The following PTPRD variants were observed in gnomAD, a reference collection of about 807,000 sequenced individuals.
The protein encoded by PTPRD is receptor-type tyrosine-protein phosphatase delta.
In PTPRD, 34 loss-of-function variants were observed where a neutral mutation model predicts 214.5. That is an observed-to-expected ratio of 0.16 (90% CI 0.12 to 0.21). PTPRD has a LOEUF of 0.21. PTPRD is among the 10% of genes least tolerant of loss of function. The probability of loss-of-function intolerance (pLI) is 1.00; values close to 1 mark genes in which losing one functional copy is unlikely to be tolerated. For synonymous variants in PTPRD, 1,128 were observed against 845.7 expected (o/e 1.33, Z -5.79); for missense variants, 2,545 against 2,398.7 (o/e 1.06, Z -1.27).
chr9:8,776,393 TC>T (rs1459540931), intron 11 of PTPRD, among the ~76,000 whole-genome samples: 1 of 152,118 alleles, frequency 6.6e-6, no homozygotes, highest in Non-Finnish European at 1.5e-5. Flanking sequence ...GTATTGATCT[TC>T]CAGGGTCAGG....
At chr9:10,441,650 A>C (rs979998597) in intron 2 of PTPRD, among the ~76,000 whole-genome samples, 1 of 151,566 alleles carries the variant, frequency 6.6e-6, no homozygotes, top group African/African-American at 2.4e-5. Flanking sequence ...TGGTATTTAC[A>C]CTTAACCATA....
At chr9:10,430,991 A>G (rs1225271347) in intron 2 of PTPRD, among the ~76,000 whole-genome samples, 2 of 152,010 alleles carry the variant, frequency 1.3e-5, no homozygotes, top group Admixed American at 1.3e-4. Flanking sequence ...ATAATAACCT[A>G]TACCTTGAAT....
chr9:9,144,391 AT>A (rs962556272), intron 10 of PTPRD, among the ~76,000 whole-genome samples: 10 of 152,174 alleles, frequency 6.6e-5, no homozygotes, highest in African/African-American at 1.9e-4. Context: ...GAAATAGTTC[AT>A]TTTTTTATGT....
At chr9:8,997,566 C>G (rs1260609000) in intron 11 of PTPRD, among the ~76,000 whole-genome samples, 1 of 152,068 alleles carries the variant, frequency 6.6e-6, no homozygotes, top group Non-Finnish European at 1.5e-5. Flanking sequence ...ATTCTCCCAT[C>G]TCTCTGCCTC....
At chr9:9,156,078 T>C (rs953183961) in intron 10 of PTPRD, among the ~76,000 whole-genome samples, 4 of 152,306 alleles carry the variant, frequency 2.6e-5, no homozygotes, top group African/African-American at 9.6e-5. Context: ...CAGGGCAATA[T>C]TTATTCACAG....
In PTPRD at chr9:10,117,900, G is replaced by T. The variant is rs191330369; in HGVS notation, c.-544-84110C>A. Among the ~76,000 whole-genome samples, 90 of 151,996 alleles carry T rather than the reference G, an allele frequency of 5.9e-4. 1 individual carries two copies. Among genetic ancestry groups the T allele is most frequent in the South Asian group, 2.1e-3 (10 of 4,814 alleles). ...TGGAATTACATGCTTTATTTTTCTG[G>T]AGGATCTTCTAATTGATTTTAAGGA... is the stretch of plus-strand genomic sequence containing the variant. On this transcript the variant is annotated intron_variant, in intron 3 of 45. Transcript: ENST00000381196.
intron 8 of PTPRD, among the ~76,000 whole-genome samples, chr9:9,478,990 A>G (rs2095260598): frequency 6.6e-6 from 1 of 152,180 alleles, no homozygotes. Context: ...AACACATAAT[A>G]CACAGGCTAA....
intron 8 of PTPRD, among the ~76,000 whole-genome samples, chr9:9,549,934 A>G (rs2079777022): frequency 6.6e-6 from 1 of 152,102 alleles, no homozygotes; most frequent in Non-Finnish European, 1.5e-5. Context: ...AGTAAAAATA[A>G]ATAAATTGGG....
intron 3 of PTPRD, among the ~76,000 whole-genome samples, chr9:10,208,557 C>T (rs1203548229): frequency 1.3e-5 from 2 of 152,156 alleles, no homozygotes; most frequent in Non-Finnish European, 2.9e-5. Context: ...AACAGAAACT[C>T]TGAACACATA....
intron 12 of PTPRD, among the ~76,000 whole-genome samples, chr9:8,638,786 T>G (rs2096505149): frequency 1.3e-5 from 2 of 152,188 alleles, no homozygotes; most frequent in African/African-American, 4.8e-5. Context: ...CAATACAGAC[T>G]AGATGATTAC....
intron 11 of PTPRD, among the ~76,000 whole-genome samples, chr9:8,883,219 G>A (rs2098460984): frequency 6.6e-6 from 1 of 152,102 alleles, no homozygotes. Flanking sequence ...AATACCAATG[G>A]CCATGGTGGT....
intron 9 of PTPRD, among the ~76,000 whole-genome samples, chr9:9,212,050 C>G (rs543565229): frequency 6.6e-6 from 1 of 152,078 alleles, no homozygotes; most frequent in South Asian, 2.1e-4. Context: ...TTTATAAGAA[C>G]AATAGCATCA....
intron 6 of PTPRD, among the ~76,000 whole-genome samples, chr9:9,747,724 T>G (rs2098472825): frequency 6.6e-6 from 1 of 151,898 alleles, no homozygotes; most frequent in Admixed American, 6.6e-5. Flanking sequence ...TTTTTTTGTG[T>G]GTATTTTTAG....
chr9:10,340,068 AC>A (rs1459200966), intron 3 of PTPRD, among the ~76,000 whole-genome samples: 1 of 151,798 alleles, frequency 6.6e-6, no homozygotes, highest in Admixed American at 6.6e-5. Flanking sequence ...CCACATAAAT[AC>A]ATCTCATCCA....
chr9:9,964,072 G>GCAGAGACGGAGT (rs2094528904), intron 4 of PTPRD, among the ~76,000 whole-genome samples: 1 of 152,062 alleles, frequency 6.6e-6, no homozygotes, highest in Non-Finnish European at 1.5e-5. Context: ...AGAGACGGAG[G>GCAGAGACGGAGT]CAGAGACGGA....
chr9:9,464,113 C>G (rs536362047), intron 8 of PTPRD, among the ~76,000 whole-genome samples: 1 of 152,172 alleles, frequency 6.6e-6, no homozygotes, highest in Admixed American at 6.6e-5. Flanking sequence ...TCTCACTTCT[C>G]GGCTGCAGCA....
chr9:9,528,934 G>GTTT (rs2074809105), intron 8 of PTPRD, among the ~76,000 whole-genome samples: 1 of 145,308 alleles, frequency 6.9e-6, no homozygotes, highest in African/African-American at 2.6e-5. Flanking sequence ...TTCTTTGTTT[G>GTTT]TTTCTTTTTT....
intron 12 of PTPRD, among the ~76,000 whole-genome samples, chr9:8,676,378 AT>A (rs559455727): frequency 0.033 from 3,647 of 111,610 alleles, 48 homozygotes; most frequent in African/African-American, 0.053. Flanking sequence ...GCTCATTTTC[AT>A]TTTTTTTTTT....
chr9:9,892,166 A>T (rs1041852967), intron 5 of PTPRD, among the ~76,000 whole-genome samples: 2 of 152,154 alleles, frequency 1.3e-5, no homozygotes, highest in Non-Finnish European at 2.9e-5. Flanking sequence ...GCAGGTGCTG[A>T]TAAGTTCTAT....
Sources: allele counts gnomAD v4.1 joint callset (sites outside exome capture counted in the v4.1 genomes callset), GRCh38; gene constraint gnomAD v4.1.1; transcripts MANE v1.5; gene names NCBI Gene and HGNC (gene_info 2026-07-23, HGNC 2026-07-21).